TRPC1: variants seen among roughly 807,000 people sequenced by gnomAD.
The protein encoded by TRPC1 is transient receptor potential cation channel subfamily C member 1.
TRPC1 carries 42 observed loss-of-function variants against 88.2 expected under a neutral mutation model. That is an observed-to-expected ratio of 0.48 (90% CI 0.37 to 0.62). TRPC1 has a LOEUF of 0.62. TRPC1 is among the 20% of genes least tolerant of loss of function. TRPC1 has a pLI of 0.00. For missense variants in TRPC1, 699 were observed against 957.3 expected (o/e 0.73, Z 3.56); for synonymous variants, 288 against 331.8 (o/e 0.87, Z 1.43).
intron 1 of TRPC1, among the ~76,000 whole-genome samples, chr3:142,730,705 C>T (rs538997052): frequency 3.7e-4 from 49 of 132,214 alleles, no homozygotes; most frequent in African/African-American, 1.0e-3. Context: ...TTTCCAGATC[C>T]AGCAACTGAA....
Position 142,802,278 on chromosome 3 carries a change from C to G in TRPC1, c.1691C>G (p.Thr564Ser), listed in dbSNP as rs557560974. ...GLTQLYDKGY[T>S]SKEQKDCVGI... ...ACACAACTGTATGATAAAGGATATA[C>G]TTCAAAGGAGCAGAAGGACTGTGTA... Residue 564 changes from threonine to serine, a missense_variant, in exon 10 of 13, where the codon ACT becomes AGT. Coordinates refer to ENST00000476941, the MANE Select transcript of TRPC1 (RefSeq NM_001251845.2). 5.6e-6 allele frequency: 9 copies of G among 1,598,392 alleles called. No homozygotes were observed. In the East Asian group the frequency reaches 1.8e-4, roughly 32 times the overall value.
At chr3:142,753,866 G>A (rs1000565540) in intron 4 of TRPC1, among the ~76,000 whole-genome samples, 7 of 152,210 alleles carry the variant, frequency 4.6e-5, no homozygotes, top group South Asian at 2.1e-4. Flanking sequence ...AGGCCAAGGC[G>A]GGTGAATCAC....
intron 5 of TRPC1, among the ~76,000 whole-genome samples, chr3:142,778,547 G>C (rs1404618219): frequency 2.0e-5 from 3 of 152,026 alleles, no homozygotes; most frequent in African/African-American, 7.2e-5. Flanking sequence ...TTTCCTTTAT[G>C]GAAAAGTATC....
rs542459762 is a variant in TRPC1 at position 142,805,599 on chromosome 3, T to C, written c.2155-409T>C. The stretch of plus-strand genomic sequence containing the variant: ...AGGTCTACTAGTGAAAAGAATGGAG[T>C]TCCTTTTGGGAGGGGATAAAATTTC... On this transcript the variant is annotated intron_variant, in intron 12 of 12. Transcript: ENST00000476941. Among the ~76,000 whole-genome samples, 3 of 152,174 alleles carry C rather than the reference T, an allele frequency of 2.0e-5. No individual in the cohort carries two copies. In the South Asian group the frequency reaches 6.2e-4, roughly 32 times the overall value.
At chr3:142,789,660 C>T (rs1447810552) in intron 7 of TRPC1, among the ~76,000 whole-genome samples, 2 of 152,072 alleles carry the variant, frequency 1.3e-5, no homozygotes, top group African/African-American at 2.4e-5. Flanking sequence ...TCTGTAGTCT[C>T]CCCGAAAATG....
intron 7 of TRPC1, among the ~76,000 whole-genome samples, chr3:142,787,715 G>A (rs1936174210): frequency 6.6e-6 from 1 of 152,100 alleles, no homozygotes; most frequent in Non-Finnish European, 1.5e-5. Context: ...CTTGACTTGA[G>A]AATCATATGG....
At chr3:142,765,883 T>C (rs1935367961) in intron 4 of TRPC1, among the ~76,000 whole-genome samples, 3 of 151,872 alleles carry the variant, frequency 2.0e-5, no homozygotes, top group African/African-American at 4.8e-5. Context: ...CATTAAAAAG[T>C]GGGCAAAGGA....
intron 4 of TRPC1, among the ~76,000 whole-genome samples, chr3:142,772,516 C>T (rs1255018107): frequency 1.3e-5 from 2 of 152,064 alleles, no homozygotes; most frequent in South Asian, 2.1e-4. Context: ...AATTTTGTGG[C>T]TGGGCGCCGT....
chr3:142,784,851 A>G lies in TRPC1; in HGVS notation c.1108A>G (p.Ile370Val). ...FWPVLSLCYL[I>V]APKSQFGRII... ...GCCAGTTTTGTCACTTTGTTATTTGATAGCTCCCAAATCTCAGTTTGGCAG... is the reference window on the plus strand; with the variant it reads ...GCCAGTTTTGTCACTTTGTTATTTGGTAGCTCCCAAATCTCAGTTTGGCAG... The change falls in exon 7 of 13, where the codon ATA (isoleucine) becomes GTA (valine). Residue 370 changes from isoleucine to valine, a missense_variant. Transcript: ENST00000476941. The G allele has an allele frequency of 1.9e-6, 3 of 1,614,120 alleles. No homozygotes were observed. The highest frequency in any genetic ancestry group is 2.5e-6 in the Non-Finnish European group (3 of 1,180,004).
At chr3:142,755,538 AATTCC>A (rs771325563) in intron 4 of TRPC1, among the ~76,000 whole-genome samples, 3 of 152,184 alleles carry the variant, frequency 2.0e-5, no homozygotes, top group Non-Finnish European at 4.4e-5. Flanking sequence ...GCCTATACAG[AATTCC>A]ATTCATGTTT....
At chr3:142,768,420 G>T (rs80066993) in intron 4 of TRPC1, among the ~76,000 whole-genome samples, 1 of 151,898 alleles carries the variant, frequency 6.6e-6, no homozygotes, top group African/African-American at 2.4e-5. Flanking sequence ...CTCTCTCATG[G>T]TTACTGATTA....
chr3:142,736,031 T>C (rs1934125133), intron 1 of TRPC1, among the ~76,000 whole-genome samples: 1 of 152,182 alleles, frequency 6.6e-6, no homozygotes, highest in East Asian at 1.9e-4. Context: ...CTAATTTTTC[T>C]AGTGTCCAGT....
chr3:142,732,990 A>G (rs1487042113), intron 1 of TRPC1, among the ~76,000 whole-genome samples: 6 of 149,850 alleles, frequency 4.0e-5, no homozygotes, highest in Non-Finnish European at 8.9e-5. Flanking sequence ...GACATAGTGC[A>G]TTGTTTTAAA....
chr3:142,796,487 T>G (rs1428325258), intron 9 of TRPC1, among the ~76,000 whole-genome samples: 2 of 152,064 alleles, frequency 1.3e-5, no homozygotes. Flanking sequence ...TTTCCTTTTT[T>G]CCTTACCTGG....
intron 7 of TRPC1, among the ~76,000 whole-genome samples, chr3:142,789,644 T>C (rs889364070): frequency 1.3e-5 from 2 of 152,174 alleles, no homozygotes; most frequent in African/African-American, 4.8e-5. Flanking sequence ...TCTATTCTTT[T>C]GTTACTCTGT....
At chr3:142,751,818 C>T (rs1287425670) in intron 4 of TRPC1, among the ~76,000 whole-genome samples, 1 of 152,132 alleles carries the variant, frequency 6.6e-6, no homozygotes, top group East Asian at 1.9e-4. Flanking sequence ...TTGGGAAAGT[C>T]TCCTGGGAAT....
chr3:142,789,026 A>G (rs73864435), intron 7 of TRPC1, among the ~76,000 whole-genome samples: 3,401 of 152,286 alleles, frequency 0.022, 129 homozygotes, highest in African/African-American at 0.077. Context: ...AAAATATTGC[A>G]TTTCACAGAA....
intron 2 of TRPC1, among the ~76,000 whole-genome samples, chr3:142,743,049 T>C (rs991165281): frequency 1.3e-5 from 2 of 152,308 alleles, no homozygotes; most frequent in East Asian, 3.9e-4. Context: ...CTGTTTGCAT[T>C]GATGATAATC....
At chr3:142,804,218 CCATACTAAGTG>C in intron 11 of TRPC1, 40 bp downstream of exon 11, 1 of 1,588,446 alleles carries the variant, frequency 6.3e-7, no homozygotes, top group Non-Finnish European at 8.6e-7. Context: ...TCTCCTCAGA[CCATACTAAGTG>C]CATACAATAG....
Sources: gnomAD v4.1 joint callset for allele counts (sites outside exome capture counted in the v4.1 genomes callset) on GRCh38, gnomAD v4.1.1 for gene constraint, MANE v1.5 for transcripts, NCBI Gene and HGNC (gene_info 2026-07-23, HGNC 2026-07-21) for gene names.